The following MICAL3 variants were observed in gnomAD, a reference collection of about 807,000 sequenced individuals.
MICAL3 encodes [F-actin]-monooxygenase MICAL3.
MICAL3 carries 62 observed loss-of-function variants against 207.4 expected under a neutral mutation model. The observed-to-expected ratio is 0.30, with a 90% confidence interval of 0.24 to 0.37. The LOEUF (loss-of-function observed/expected upper bound fraction) is 0.37, where lower values mean the gene tolerates loss of function less well. Ranked by LOEUF, MICAL3 falls within the 10% of genes least tolerant of loss-of-function variation. MICAL3 has a pLI of 1.00. For synonymous variants in MICAL3, 1,077 were observed against 1,069.3 expected (o/e 1.01, Z -0.14); for missense variants, 2,368 against 2,635.6 (o/e 0.90, Z 2.22).
In MICAL3 at chr22:17,900,978, G is replaced by T. The variant is rs1286951602; in HGVS notation, c.711C>A (p.Phe237Leu). ...NTLEGFRRKE[F>L]RGKLAIAITA... ...TGATGGCGATGGCCAGTTTGCCACG[G>T]AATTCTTTCCGACGAAACCCTGGAG... Residue 237 changes from phenylalanine (F) to leucine (L), a missense_variant, in exon 6 of 32, where the codon TTC becomes TTA. Around this residue, in one of 4 missense-constraint regions of MICAL3, gnomAD observed 400 missense variants for 547.0 expected, o/e 0.73. Transcript: ENST00000441493. This position sits in a 1 kb window ranked among gnomAD's most constrained non-coding sequence, Gnocchi z 4.0. 3 of 1,614,030 alleles carry T rather than the reference G, an allele frequency of 1.9e-6. No homozygotes were observed. The highest frequency in any genetic ancestry group is 2.5e-6 in the Non-Finnish European group (3 of 1,179,890).
chr22:17,826,431 G>T (rs915930562), intron 22 of MICAL3: 1 of 984,184 alleles, frequency 1.0e-6, no homozygotes, highest in Non-Finnish European at 1.2e-6. Context: ...TGAGTGGGGA[G>T]AGAGTGAACA....
intron 16 of MICAL3, among the ~76,000 whole-genome samples, chr22:17,874,817 A>G (rs139142238): frequency 3.2e-3 from 480 of 152,264 alleles, no homozygotes; most frequent in African/African-American, 0.011. Context: ...GAAACTCCCT[A>G]CAACTGAACC....
intron 1 of MICAL3, among the ~76,000 whole-genome samples, chr22:17,952,908 C>T (rs1279753505): frequency 2.6e-5 from 4 of 152,184 alleles, no homozygotes; most frequent in African/African-American, 7.2e-5. Context: ...CACCTCAGAG[C>T]ACGGTTGTAA....
At chr22:17,875,687 A>T (rs1049715953) in intron 16 of MICAL3, 4 of 429,202 alleles carry the variant, frequency 9.3e-6, no homozygotes, top group South Asian at 8.5e-5. Context: ...TATAGTAAAA[A>T]AAAAAAAAAA....
chr22:17,863,323 T>C (rs1926715535), intron 19 of MICAL3: 3 of 985,206 alleles, frequency 3.0e-6, no homozygotes, highest in Admixed American at 6.1e-5. Context: ...CCTCAGAAAA[T>C]CCATCTCTGA....
chr22:17,879,206 C>T, intron 16 of MICAL3: 4 of 637,512 alleles, frequency 6.3e-6, no homozygotes, highest in Non-Finnish European at 1.1e-5. Flanking sequence ...AGAATTCTGG[C>T]TCTTGGCTGG....
chr22:17,886,868 G>T (rs1442416423), intron 15 of MICAL3, among the ~76,000 whole-genome samples: 2 of 149,064 alleles, frequency 1.3e-5, no homozygotes, highest in Non-Finnish European at 3.0e-5. Flanking sequence ...TGCAATCCCA[G>T]CTACTTGGGA....
At chr22:17,808,646 C>T (rs910302883) in intron 29 of MICAL3, among the ~76,000 whole-genome samples, 198 bp downstream of exon 29, 5 of 152,198 alleles carry the variant, frequency 3.3e-5, no homozygotes, top group Admixed American at 2.6e-4. Context: ...GGCTGTGGAG[C>T]AGGATGGGCC....
intron 1 of MICAL3, among the ~76,000 whole-genome samples, chr22:17,966,222 C>T (rs1233054029): frequency 2.0e-5 from 3 of 152,112 alleles, no homozygotes; most frequent in Non-Finnish European, 4.4e-5. Flanking sequence ...TCTGGCCACC[C>T]AGCTTCATCC....
intron 1 of MICAL3, among the ~76,000 whole-genome samples, chr22:17,924,254 T>C (rs1311409969): frequency 1.3e-5 from 2 of 152,104 alleles, no homozygotes; most frequent in Non-Finnish European, 2.9e-5. Flanking sequence ...CTCTCACAAA[T>C]CCTGGAGAGC....
intron 29 of MICAL3, among the ~76,000 whole-genome samples, chr22:17,808,588 G>A (rs1378490008): frequency 6.6e-6 from 1 of 152,226 alleles, no homozygotes; most frequent in Non-Finnish European, 1.5e-5. Flanking sequence ...CTCGCCATCA[G>A]CATGCCGGGG....
intron 1 of MICAL3, among the ~76,000 whole-genome samples, chr22:17,980,483 G>C (rs890206160): frequency 6.6e-6 from 1 of 152,136 alleles, no homozygotes; most frequent in Non-Finnish European, 1.5e-5. Context: ...CCCTCCTAGT[G>C]GGCAAGGACA....
intron 1 of MICAL3, among the ~76,000 whole-genome samples, chr22:17,918,468 T>C (rs1352087828): frequency 6.6e-6 from 1 of 152,202 alleles, no homozygotes; most frequent in East Asian, 1.9e-4. Flanking sequence ...GCAAATCTCT[T>C]TAATGTGTGG....
chr22:17,853,242 G>A (rs1925525034), intron 19 of MICAL3, among the ~76,000 whole-genome samples: 1 of 152,152 alleles, frequency 6.6e-6, no homozygotes, highest in Non-Finnish European at 1.5e-5. Flanking sequence ...TAGCCAAGCA[G>A]CCATGGAGAT....
chr22:17,830,290 T>G (rs771982201), intron 21 of MICAL3, among the ~76,000 whole-genome samples: 4 of 152,114 alleles, frequency 2.6e-5, no homozygotes, highest in Non-Finnish European at 4.4e-5. Flanking sequence ...CAGACACACC[T>G]GCGCTAGGGA....
Position 17,869,719 on chromosome 22 carries a change from G to A in MICAL3, c.2428+2118C>T, listed in dbSNP as rs371779294. Among the ~76,000 whole-genome samples the A allele has an allele frequency of 6.6e-5, 10 of 152,278 alleles. No individual in the cohort carries two copies. The East Asian group carries it at 1.3e-3, about 21-fold the overall frequency. ...GTCACAATCCCTGAATCTCTGACCT[G>A]GAATGAATCTCAGGTGTCATCTGGT... On this transcript the variant is annotated intron_variant, in intron 17 of 31. Transcript: ENST00000441493.
intron 1 of MICAL3, among the ~76,000 whole-genome samples, chr22:18,000,792 G>A (rs1050082758): frequency 2.0e-5 from 3 of 152,174 alleles, no homozygotes; most frequent in Non-Finnish European, 4.4e-5. Context: ...GGGTCCTCTC[G>A]GCCACCTACC....
Position 17,859,010 on chromosome 22 carries a change from TACTG to T in MICAL3, c.2605+5885_2605+5888del, listed in dbSNP as rs1251751588. On this transcript the variant is annotated intron_variant, in intron 19 of 31. Coordinates refer to ENST00000441493, the MANE Select transcript of MICAL3 (RefSeq NM_015241.3). ...TCTCTCCCTTCTGCAGGCACTAGGATACTGACTGACTTATTTCAGAGAAAGGGGA... is the reference window on the plus strand; with the variant it reads ...TCTCTCCCTTCTGCAGGCACTAGGATACTGACTTATTTCAGAGAAAGGGGA... Among the ~76,000 whole-genome samples, 12 of 152,180 alleles carry T rather than the reference TACTG, an allele frequency of 7.9e-5. No individual in the cohort carries two copies. In the South Asian group the frequency reaches 2.3e-3, roughly 29 times the overall value.
rs1569120291 is a variant in MICAL3 at position 17,893,892 on chromosome 22, A to G, written c.1462T>C (p.Tyr488His). The G allele has an allele frequency of 4.5e-6, 7 of 1,557,188 alleles. No homozygotes were observed. The Admixed American group carries it at 5.8e-5, about 13-fold the overall frequency. Residue 488 changes from tyrosine (Y) to histidine (H), a missense_variant, in exon 11 of 32, where the codon TAT (tyrosine) becomes CAT (histidine). Tyr to His is a moderately conservative substitution (Grantham distance 83). Transcript: ENST00000441493. ...ATATCTTTTGTTTCGCCAGTATCAT[A>G]TAAATGGCGCACCTGGCAGAAATTT... The part of the protein sequence containing the change: ...FLRPSQVRHL[Y>H]DTGETKDIHL...
Sources: allele counts gnomAD v4.1 joint callset (sites outside exome capture counted in the v4.1 genomes callset), GRCh38; gene constraint gnomAD v4.1.1; regional missense constraint gnomAD v4.1.1; non-coding constraint Gnocchi (gnomAD v3.1); transcripts MANE v1.5; gene names NCBI Gene and HGNC (gene_info 2026-07-23, HGNC 2026-07-21).